The following ENOX1 variants were observed in gnomAD, a reference collection of about 807,000 sequenced individuals.
ENOX1 encodes the protein ecto-NOX disulfide-thiol exchanger 1.
ENOX1 carries 42 observed loss-of-function variants against 82.5 expected under a neutral mutation model. The observed-to-expected ratio is 0.51, with a 90% CI of 0.40 to 0.66. The LOEUF is 0.66. Among genes scored for constraint, ENOX1 ranks in the 30% least tolerant of loss-of-function variants. ENOX1 has a pLI of 0.00. For missense variants in ENOX1, 608 were observed against 811.6 expected (o/e 0.75, Z 3.05); for synonymous variants, 271 against 282.2 (o/e 0.96, Z 0.40).
At chr13:43,305,049 G>A (rs539329318) in intron 11 of ENOX1, among the ~76,000 whole-genome samples, 327 of 152,292 alleles carry the variant, frequency 2.1e-3, no homozygotes, top group South Asian at 6.6e-3. Flanking sequence ...ACAAGGACCA[G>A]TACCATGTCA....
At chr13:43,297,925 A>G (rs1278509511) in intron 12 of ENOX1, among the ~76,000 whole-genome samples, 1 of 152,260 alleles carries the variant, frequency 6.6e-6, no homozygotes, top group Non-Finnish European at 1.5e-5. Context: ...AGTGGAAACA[A>G]TATAATTTAC....
At chr13:43,354,188 A>G (rs976943451) in intron 8 of ENOX1, among the ~76,000 whole-genome samples, 1 of 152,218 alleles carries the variant, frequency 6.6e-6, no homozygotes, top group African/African-American at 2.4e-5. Context: ...TTGCTGCTGT[A>G]TCTCATTTTG....
At chr13:43,766,803 G>T (rs750280949) in intron 1 of ENOX1, among the ~76,000 whole-genome samples, 71 of 152,140 alleles carry the variant, frequency 4.7e-4, no homozygotes, top group Non-Finnish European at 8.1e-4. Context: ...ACAGAAGAAT[G>T]GGAATTGAGA....
intron 13 of ENOX1, among the ~76,000 whole-genome samples, chr13:43,266,637 G>A (rs2044386293): frequency 6.6e-6 from 1 of 152,156 alleles, no homozygotes; most frequent in South Asian, 2.1e-4. Flanking sequence ...AGACACAGGG[G>A]AGCATGGGCG....
In ENOX1 at chr13:43,415,441, T is replaced by A. The variant is rs538038847; in HGVS notation, c.-74-2453A>T. Among the ~76,000 whole-genome samples, 3 of 152,038 alleles carry A rather than the reference T, an allele frequency of 2.0e-5. No individual in the cohort carries two copies. The East Asian group carries it at 5.8e-4, about 29-fold the overall frequency. On this transcript the variant is annotated intron_variant, in intron 3 of 16. Coordinates refer to ENST00000690772, the MANE Select transcript of ENOX1 (RefSeq NM_001347969.2). Reference sequence around the variant, plus strand: ...CTGGGTACTTGAGATTAGGGAGTGGTGATGACTCTTAACGAACATGCTGCC... The same window carrying A: ...CTGGGTACTTGAGATTAGGGAGTGGAGATGACTCTTAACGAACATGCTGCC...
At chr13:43,432,302 G>A (rs1427264035) in intron 3 of ENOX1, among the ~76,000 whole-genome samples, 1 of 152,162 alleles carries the variant, frequency 6.6e-6, no homozygotes, top group Non-Finnish European at 1.5e-5. Flanking sequence ...CAAGGACAAT[G>A]AAATATAGTA....
chr13:43,403,936 G>A (rs562067417), intron 5 of ENOX1, among the ~76,000 whole-genome samples: 12 of 152,276 alleles, frequency 7.9e-5, no homozygotes, highest in Middle Eastern at 3.4e-3. Context: ...CAAGTTGCAG[G>A]ACAGCATGTG....
chr13:43,351,500 T>C (rs946973691), intron 8 of ENOX1, among the ~76,000 whole-genome samples: 2 of 149,142 alleles, frequency 1.3e-5, no homozygotes, highest in African/African-American at 4.9e-5. Flanking sequence ...TATGTATACA[T>C]GTGCCATGCT....
intron 3 of ENOX1, among the ~76,000 whole-genome samples, chr13:43,418,549 T>A (rs1027170772): frequency 6.6e-6 from 1 of 152,096 alleles, no homozygotes; most frequent in African/African-American, 2.4e-5. Flanking sequence ...TAAATAAAAA[T>A]AAATAATACG....
intron 12 of ENOX1, among the ~76,000 whole-genome samples, chr13:43,282,257 G>T (rs1244994241): frequency 2.6e-5 from 4 of 152,040 alleles, no homozygotes; most frequent in African/African-American, 9.7e-5. Context: ...TAAAATACCA[G>T]ATTAATTTTG....
intron 11 of ENOX1, among the ~76,000 whole-genome samples, chr13:43,308,784 C>T (rs2047015550): frequency 6.6e-6 from 1 of 152,174 alleles, no homozygotes; most frequent in South Asian, 2.1e-4. Flanking sequence ...ACCACACATT[C>T]ACACCTTCTG....
In ENOX1 at chr13:43,360,034, C is replaced by T; in HGVS notation, c.406G>A (p.Glu136Lys). The T allele has an allele frequency of 1.2e-6, 2 of 1,614,190 alleles. No homozygotes were observed. Among genetic ancestry groups the T allele is most frequent in the Non-Finnish European group, 1.7e-6 (2 of 1,180,026 alleles). ...ACGGTCTTACACCCAGGAGGTCGTT[C>T]TCTTGTGGAAGGAGGTGGAAGATCT... ...NPNLPPPSTRERPPGCKTVFV... is the reference protein window; with the variant it reads ...NPNLPPPSTRKRPPGCKTVFV... Residue 136 changes from glutamate to lysine, a missense_variant, in exon 7 of 17, where the codon GAA becomes AAA. Physicochemically the swap from Glu to Lys is moderately conservative, Grantham distance 56 (BLOSUM62 1). Transcript: ENST00000690772.
At chr13:43,327,842 A>G (rs1214335030) in intron 9 of ENOX1, among the ~76,000 whole-genome samples, 1 of 152,200 alleles carries the variant, frequency 6.6e-6, no homozygotes, top group Admixed American at 6.5e-5. Flanking sequence ...TTCACTTACA[A>G]TATCGTGAAT....
Position 43,387,725 on chromosome 13 carries a change from T to C in ENOX1, c.208+24191A>G, listed in dbSNP as rs2052512203. ...ACACATATATAAACATATATACACA[T>C]ATATGCATAAACATATAAATATGTA... On this transcript the variant is annotated intron_variant, in intron 5 of 16. Coordinates refer to ENST00000690772, the MANE Select transcript of ENOX1 (RefSeq NM_001347969.2). 2.0e-5 allele frequency among the ~76,000 whole-genome samples: 3 copies of C among 152,026 alleles called. No homozygotes were observed. The South Asian group carries it at 6.2e-4, about 31-fold the overall frequency.
intron 1 of ENOX1, among the ~76,000 whole-genome samples, chr13:43,728,220 C>T (rs954897): frequency 2.6e-5 from 4 of 152,114 alleles, no homozygotes; most frequent in African/African-American, 9.7e-5. Context: ...GTCAGAGAAC[C>T]TTCTTTTTCT....
chr13:43,713,426 A>G (rs1332721600), intron 1 of ENOX1, among the ~76,000 whole-genome samples: 1 of 152,168 alleles, frequency 6.6e-6, no homozygotes, highest in East Asian at 1.9e-4. Flanking sequence ...TGCTGGCCTC[A>G]TAAAATGAGT....
chr13:43,641,450 C>T (rs1473467003), intron 2 of ENOX1, among the ~76,000 whole-genome samples: 2 of 150,668 alleles, frequency 1.3e-5, no homozygotes, highest in Non-Finnish European at 2.9e-5. Flanking sequence ...GCCCTTGAGT[C>T]TCTATAAGGA....
At chr13:43,431,979 C>T (rs1391541334) in intron 3 of ENOX1, among the ~76,000 whole-genome samples, 2 of 152,132 alleles carry the variant, frequency 1.3e-5, no homozygotes, top group Non-Finnish European at 2.9e-5. Context: ...AGGCCTTATA[C>T]CCCAGAGCTT....
At chr13:43,613,462 A>G (rs138322005) in intron 2 of ENOX1, among the ~76,000 whole-genome samples, 1 of 152,312 alleles carries the variant, frequency 6.6e-6, no homozygotes, top group East Asian at 1.9e-4. Context: ...ATATCCCAAT[A>G]AAGCTATTTT....
Sources: gnomAD v4.1 joint callset for allele counts (sites outside exome capture counted in the v4.1 genomes callset) on GRCh38, gnomAD v4.1.1 for gene constraint, MANE v1.5 for transcripts, NCBI Gene and HGNC (gene_info 2026-07-23, HGNC 2026-07-21) for gene names.